CCDC125: variants seen among roughly 807,000 people sequenced by gnomAD.
CCDC125 encodes the protein coiled-coil domain containing 125.
A neutral mutation model predicts 57.4 loss-of-function variants in CCDC125; 43 were observed. That is an observed-to-expected ratio of 0.75 (90% CI 0.59 to 0.97). The LOEUF (loss-of-function observed/expected upper bound fraction) is 0.97, where lower values mean the gene tolerates loss of function less well. Ranked by LOEUF, CCDC125 falls within the 50% of genes least tolerant of loss-of-function variation. The pLI, the probability that CCDC125 is intolerant of heterozygous loss-of-function variation, is 0.00. For synonymous variants in CCDC125, 187 were observed against 195.2 expected, an observed-to-expected ratio of 0.96 and a Z score of 0.35; for missense variants, 563 against 595.7, an observed-to-expected ratio of 0.95 and a Z score of 0.57.
In CCDC125 at chr5:69,280,349, G is replaced by A. The variant is rs774045394; in HGVS notation, c.*2380C>T. 3 of 152,172 alleles carry A rather than the reference G, an allele frequency of 2.0e-5. No homozygotes were observed. Among genetic ancestry groups the A allele is most frequent in the Non-Finnish European group, 4.4e-5 (3 of 68,034 alleles). 9.4% of individuals were successfully genotyped at this position (152,172 alleles called of 1,614,324 possible). A position where few individuals can be genotyped will look rare whatever the true frequency, so the allele number is the denominator to read the frequency against. ...ATAATAATAAAAAACACACCTCTAG[G>A]TGGAAATTTAAGATGCTACTGAGAC... On this transcript the variant is annotated 3_prime_UTR_variant, in exon 12 of 12. Transcript: ENST00000396496.
At chr5:69,279,418 T>G (rs182865840), downstream of CCDC125, among the ~76,000 whole-genome samples, 1,002 of 151,960 alleles carry the variant, frequency 6.6e-3, 8 homozygotes, top group Middle Eastern at 0.02. Context: ...GGATGGTCTC[T>G]ATCTCCTGAC....
At position 69,282,839 on chromosome 5, in the gene CCDC125, A is replaced by C. The variant is rs1752629065; in HGVS notation, c.1426T>G (p.Cys476Gly). The C allele has an allele frequency of 1.9e-6, 3 of 1,614,098 alleles. No individual in the cohort carries two copies. In the Admixed American group the frequency reaches 5.0e-5, roughly 27 times the overall value. ...VLGDPIHSSV[C>G]ILNSVGCICS... The stretch of plus-strand genomic sequence containing the variant: ...ATGCAGCCCACAGAATTTAAAATGC[A>C]GACACTTGAATGTATAGGATCACCC... Residue 476 changes from cysteine (C) to glycine (G), a missense_variant, in exon 12 of 12, where the codon TGC (cysteine) becomes GGC (glycine). Transcript: ENST00000396496.
At chr5:69,273,312 C>T in the CCDC125 span, among the ~76,000 whole-genome samples, 1 of 143,916 alleles carries the variant, frequency 6.9e-6, no homozygotes, top group Non-Finnish European at 1.5e-5. Flanking sequence ...ACATAATTGG[C>T]TTGTAAATAC....
intron 8 of CCDC125, among the ~76,000 whole-genome samples, chr5:69,297,378 A>C (rs1200783325): frequency 6.9e-6 from 1 of 145,162 alleles, no homozygotes; most frequent in Non-Finnish European, 1.5e-5. Context: ...TATTTTTCTG[A>C]GACAGAGTTT....
intron 5 of CCDC125, 178 bp downstream of exon 5, chr5:69,307,773 A>G (rs1757566608): frequency 1.0e-5 from 6 of 576,606 alleles, no homozygotes; most frequent in South Asian, 9.3e-5. Flanking sequence ...ACCTGAATTC[A>G]TTGTGCACAT....
downstream of CCDC125, chr5:69,277,359 T>C (rs1752252972): frequency 2.5e-6 from 1 of 398,846 alleles, no homozygotes; most frequent in Non-Finnish European, 4.5e-6. Flanking sequence ...TTCAATACTC[T>C]TGAAATGTAG....
chr5:69,293,434 G>A (rs1229949982), intron 9 of CCDC125, among the ~76,000 whole-genome samples: 3 of 151,800 alleles, frequency 2.0e-5, no homozygotes, highest in Non-Finnish European at 4.4e-5. Flanking sequence ...GGTGGATCAC[G>A]AGGTCAGGAG....
At chr5:69,291,670 G>T (rs950585958) in intron 10 of CCDC125, among the ~76,000 whole-genome samples, 10 of 152,198 alleles carry the variant, frequency 6.6e-5, no homozygotes, top group Non-Finnish European at 1.2e-4. Flanking sequence ...ATAAATTTTT[G>T]ATGGGTTCGT....
chr5:69,282,794 G>T lies in CCDC125; in HGVS notation c.1471C>A (p.Gln491Lys). The T allele has an allele frequency of 6.2e-7, 1 of 1,613,844 alleles. No homozygotes were observed. The highest frequency in any genetic ancestry group is 1.1e-5 in the South Asian group (1 of 90,966). The change falls in exon 12 of 12, where the codon CAA becomes AAA. Residue 491 changes from glutamine (Q) to lysine (K), a missense_variant. Physicochemically the swap from Gln to Lys is moderately conservative, Grantham distance 53 (BLOSUM62 1). Coordinates refer to ENST00000396496, the MANE Select transcript of CCDC125 (RefSeq NM_176816.5). ...VGCICSIQHS[Q>K]IDPNYRTLKR... Reference sequence around the variant, plus strand: ...AGAGTTCTATAGTTTGGATCTATTTGAGAGTGCTGGATTGAACAAATGCAG... The same window carrying T: ...AGAGTTCTATAGTTTGGATCTATTTTAGAGTGCTGGATTGAACAAATGCAG...
chr5:69,290,599 G>A lies in CCDC125; in HGVS notation c.1099+1589C>T, dbSNP rs142477536. Among the ~76,000 whole-genome samples, 1,220 of 143,356 alleles carry A rather than the reference G, an allele frequency of 8.5e-3. 13 individuals are homozygous for A. The highest frequency in any genetic ancestry group is 0.03 in the African/African-American group (1,167 of 38,736). The allele number at this position is 143,356 out of a possible 152,430, so 94.0% of individuals were successfully genotyped here. ...ATTACAGGCCTGAGCCACCGCACAT[G>A]GCCAGGTTTCTTTTTTTTTTCTTTT... On this transcript the variant is annotated intron_variant, in intron 10 of 11. Transcript: ENST00000396496.
chr5:69,319,482 C>CTT (rs1280719685), intron 2 of CCDC125, among the ~76,000 whole-genome samples: 12 of 138,084 alleles, frequency 8.7e-5, no homozygotes, highest in East Asian at 4.3e-4. Flanking sequence ...ACATCGACTA[C>CTT]TTTTTTTTTT....
Position 69,313,861 on chromosome 5 carries a change from A to T in CCDC125, c.366+124T>A, listed in dbSNP as rs919293320. On this transcript the variant is annotated intron_variant, in intron 3 of 11. Coordinates refer to ENST00000396496, the MANE Select transcript of CCDC125 (RefSeq NM_176816.5). ...TGATGACACCATCAGAGACAGCCAC[A>T]ACAGAGGCCATGTTTCCAGAAGCAA... is the stretch of plus-strand genomic sequence containing the variant. 8.0e-6 allele frequency: 7 copies of T among 875,032 alleles called. No individual in the cohort carries two copies. In the Admixed American group the frequency reaches 1.2e-4, roughly 15 times the overall value. 54.2% of individuals were successfully genotyped at this position (875,032 alleles called of 1,614,324 possible). A position where few individuals can be genotyped will look rare whatever the true frequency, so the allele number is the denominator to read the frequency against.
chr5:69,320,436 T>C lies in CCDC125; in HGVS notation c.105A>G (p.Lys35=). ...ATTCTATTTCATAAATCCCACCAGG[T>C]TTCCTTCCGAGGCCATACCCTAAAT... is the stretch of plus-strand genomic sequence containing the variant. ...EGDLGYGLGR[K]PGGIYEIEFS... is the part of the protein sequence containing the mutation. The change falls in exon 2 of 12, where the codon AAA becomes AAG. Residue 35 remains lysine (K), a synonymous_variant. Coordinates refer to ENST00000396496, the MANE Select transcript of CCDC125 (RefSeq NM_176816.5). 1 of 1,614,054 alleles carries C rather than the reference T, an allele frequency of 6.2e-7. No individual in the cohort carries two copies. Among genetic ancestry groups the C allele is most frequent in the Non-Finnish European group, 8.5e-7 (1 of 1,179,956 alleles).
chr5:69,321,171 A>T (rs182224369), intron 1 of CCDC125, among the ~76,000 whole-genome samples: 14 of 152,344 alleles, frequency 9.2e-5, no homozygotes, highest in African/African-American at 3.4e-4. Context: ...ATAGAATAAA[A>T]TTCAAATATT....
intron 7 of CCDC125, among the ~76,000 whole-genome samples, chr5:69,300,815 G>A (rs548998066): frequency 1.6e-5 from 2 of 125,938 alleles, no homozygotes; most frequent in Non-Finnish European, 3.6e-5. Flanking sequence ...ATAAAGTGCC[G>A]CTCTCAGCCC....
chr5:69,275,610 C>T (rs761259662), downstream of CCDC125, among the ~76,000 whole-genome samples: 55 of 152,130 alleles, frequency 3.6e-4, no homozygotes, highest in Non-Finnish European at 7.2e-4. Flanking sequence ...AAATTCTACA[C>T]ATAAGGACAT....
At position 69,286,037 on chromosome 5, in the gene CCDC125, CG is replaced by C. The variant is rs992932181; in HGVS notation, c.1100-571del. 3.3e-5 allele frequency among the ~76,000 whole-genome samples: 5 copies of C among 151,372 alleles called. No homozygotes were observed. In the South Asian group the frequency reaches 6.3e-4, roughly 19 times the overall value. ...CTGTGCCATTAAATAATAAATCACA[CG>C]GGCTGGAGAAGGGGAAGTGAGGAGT... On this transcript the variant is annotated intron_variant, in intron 10 of 11. Transcript: ENST00000396496.
rs1757556298 is a variant in CCDC125 at position 69,307,720 on chromosome 5, T to C, written c.531+231A>G. Reference sequence around the variant, plus strand: ...AAGAAGAAGAAATGAGAAGTACCAATTTGGCAGGCCTCCTACTACCTTAAC... The same window carrying C: ...AAGAAGAAGAAATGAGAAGTACCAACTTGGCAGGCCTCCTACTACCTTAAC... On this transcript the variant is annotated intron_variant, in intron 5 of 11. Transcript: ENST00000396496. 20 of 500,364 alleles carry C rather than the reference T, an allele frequency of 4.0e-5. No homozygotes were observed. In the South Asian group the frequency reaches 5.9e-4, roughly 15 times the overall value. The allele number at this position is 500,364 out of a possible 1,614,324, so 31.0% of individuals were successfully genotyped here. A position where few individuals can be genotyped will look rare whatever the true frequency, so the allele number is the denominator to read the frequency against.
intron 4 of CCDC125, chr5:69,309,576 T>C (rs1757838050): frequency 6.6e-6 from 1 of 152,240 alleles, no homozygotes; most frequent in African/African-American, 2.4e-5. Context: ...AGGCAGAAGT[T>C]TCCTGCAGGG....
Sources: allele counts gnomAD v4.1 joint callset (sites outside exome capture counted in the v4.1 genomes callset), GRCh38; gene constraint gnomAD v4.1.1; transcripts MANE v1.5; gene names NCBI Gene and HGNC (gene_info 2026-07-23, HGNC 2026-07-21).